The following COL14A1 variants were observed in gnomAD, a reference collection of about 807,000 sequenced individuals.
COL14A1 encodes the protein collagen type XIV alpha 1 chain, also known as collagen alpha-1(XIV) chain.
COL14A1 carries 136 observed loss-of-function variants against 230.3 expected under a neutral mutation model. The observed-to-expected ratio is 0.59, with a 90% CI of 0.51 to 0.68. The LOEUF is 0.68. COL14A1 is among the 30% of genes least tolerant of loss of function. The pLI, the probability that COL14A1 is intolerant of heterozygous loss-of-function variation, is 0.00. For synonymous variants in COL14A1, 792 were observed against 784.1 expected (o/e 1.01, Z -0.17); for missense variants, 1,976 against 2,215.8 (o/e 0.89, Z 2.17).
chr8:120,324,158 A>G (rs1448337579), intron 40 of COL14A1, among the ~76,000 whole-genome samples: 1 of 152,082 alleles, frequency 6.6e-6, no homozygotes, highest in Non-Finnish European at 1.5e-5. Context: ...AATCTGTACA[A>G]CAGACCCCTG....
At chr8:120,234,505 A>G (rs530782660) in intron 19 of COL14A1, among the ~76,000 whole-genome samples, 29 of 152,176 alleles carry the variant, frequency 1.9e-4, no homozygotes, top group Non-Finnish European at 3.2e-4. Flanking sequence ...CTAGTTTATT[A>G]AGAGTTTTTA....
chr8:120,157,895 G>T (rs1815532849), intron 2 of COL14A1, among the ~76,000 whole-genome samples: 1 of 152,162 alleles, frequency 6.6e-6, no homozygotes, highest in African/African-American at 2.4e-5. Flanking sequence ...CTGAGGCAGA[G>T]AATTGTTTGA....
intron 24 of COL14A1, 104 bp from the exon 25 acceptor site, chr8:120,266,723 T>G (rs1192465714): frequency 3.3e-6 from 3 of 907,720 alleles, no homozygotes; most frequent in Non-Finnish European, 5.3e-6. Context: ...AGAAGACAGT[T>G]GTCAAAATCA....
chr8:120,160,132 A>G (rs1208525828), intron 3 of COL14A1, among the ~76,000 whole-genome samples: 3 of 152,210 alleles, frequency 2.0e-5, no homozygotes, highest in East Asian at 1.9e-4. Context: ...AACCTTGTTC[A>G]GAGTTTTCAT....
chr8:120,129,896 G>A (rs1398542332), intron 1 of COL14A1, among the ~76,000 whole-genome samples: 1 of 152,188 alleles, frequency 6.6e-6, no homozygotes, highest in African/African-American at 2.4e-5. Context: ...GAACTTTCTT[G>A]AATATGGGTT....
chr8:120,242,958 A>G lies in COL14A1; in HGVS notation c.2350-921A>G, dbSNP rs901987964. Among the ~76,000 whole-genome samples, 20 of 152,172 alleles carry G rather than the reference A, an allele frequency of 1.3e-4. 1 individual carries two copies. Among genetic ancestry groups the G allele is most frequent in the Non-Finnish European group, 1.3e-4 (9 of 68,036 alleles). ...ATTTTACCCAGCACTTGAATCGAAA[A>G]GTAACTCCAGCTGTCCTGGTCTTGT... On this transcript the variant is annotated intron_variant, in intron 19 of 47. Coordinates refer to ENST00000297848, the MANE Select transcript of COL14A1 (RefSeq NM_021110.4).
chr8:120,300,875 T>G (rs1820690082), intron 36 of COL14A1, 57 bp downstream of exon 36: 1 of 1,346,104 alleles, frequency 7.4e-7, no homozygotes, highest in African/African-American at 1.4e-5. Flanking sequence ...TAGCTATCAC[T>G]TGTGTGTCTA....
At chr8:120,311,642 G>A (rs1329349688) in intron 37 of COL14A1, among the ~76,000 whole-genome samples, 2 of 152,142 alleles carry the variant, frequency 1.3e-5, no homozygotes, top group Non-Finnish European at 2.9e-5. Flanking sequence ...CAGTATGTAT[G>A]ATTTTTTATT....
chr8:120,250,813 T>G (rs756270599), intron 22 of COL14A1, 47 bp downstream of exon 22: 2 of 1,605,430 alleles, frequency 1.2e-6, no homozygotes. Flanking sequence ...GTTTTTGTTT[T>G]GTTTTGTTTT....
At chr8:120,343,920 C>T (rs1822405767) in intron 44 of COL14A1, among the ~76,000 whole-genome samples, 1 of 152,054 alleles carries the variant, frequency 6.6e-6, no homozygotes, top group African/African-American at 2.4e-5. Flanking sequence ...TGACCACTAC[C>T]CAAGAAAGAT....
chr8:120,126,903 A>G (rs4588897), intron 1 of COL14A1, among the ~76,000 whole-genome samples: 125,857 of 152,250 alleles, frequency 0.83, 52,520 homozygotes, highest in African/African-American at 0.95. Flanking sequence ...TAAACTTCAG[A>G]ATAGTTTTGT....
intron 23 of COL14A1, among the ~76,000 whole-genome samples, chr8:120,260,035 TA>T (rs1236402274): frequency 2.0e-5 from 3 of 152,196 alleles, no homozygotes; most frequent in African/African-American, 7.2e-5. Flanking sequence ...TAACAATTTT[TA>T]AATGTTATCA....
intron 19 of COL14A1, among the ~76,000 whole-genome samples, chr8:120,235,790 G>C (rs144581509): frequency 1.9e-4 from 29 of 152,324 alleles, no homozygotes; most frequent in African/African-American, 6.7e-4. Context: ...TGCTTTAGCT[G>C]TGTTCCAGAG....
chr8:120,346,873 T>C (rs1822536543), intron 45 of COL14A1, among the ~76,000 whole-genome samples: 1 of 152,224 alleles, frequency 6.6e-6, no homozygotes, highest in Non-Finnish European at 1.5e-5. Context: ...ACTTAATAGG[T>C]ACTTACTAGA....
In COL14A1 at chr8:120,255,258, A is replaced by G. The variant is rs114230243; in HGVS notation, c.2771A>G (p.Asn924Ser). Reference sequence around the variant, plus strand: ...ATTCCAGTGTTCTTGGGTGTTACCAATCTCCAAGCCAAACATGTTGAAATG... The same window carrying G: ...ATTCCAGTGTTCTTGGGTGTTACCAGTCTCCAAGCCAAACATGTTGAAATG... ...MVKTLFLGVT[N>S]LQAKHVEMTS... The change falls in exon 23 of 48, where the codon AAT (asparagine) becomes AGT (serine). Residue 924 changes from asparagine to serine, a missense_variant. By Grantham distance (46) the Asn-to-Ser change is conservative (BLOSUM62 1). Coordinates refer to ENST00000297848, the MANE Select transcript of COL14A1 (RefSeq NM_021110.4). The G allele has an allele frequency of 7.2e-4, 1,161 of 1,614,058 alleles. 10 individuals carry two copies. The highest frequency in any genetic ancestry group is 2.9e-3 in the East Asian group (129 of 44,874).
chr8:120,256,559 T>C (rs1002611317), intron 23 of COL14A1, among the ~76,000 whole-genome samples: 2 of 152,172 alleles, frequency 1.3e-5, no homozygotes, highest in Non-Finnish European at 2.9e-5. Context: ...CAGCCTGACA[T>C]TGGCTTGACA....
chr8:120,364,893 AAAAAG>A (rs900506473), intron 45 of COL14A1, among the ~76,000 whole-genome samples: 24 of 152,150 alleles, frequency 1.6e-4, no homozygotes, highest in African/African-American at 3.4e-4. Flanking sequence ...TCTTAAAAAA[AAAAAG>A]AAAAGAAAAG....
At chr8:120,219,052 A>G (rs913000437) in intron 14 of COL14A1, among the ~76,000 whole-genome samples, 16 of 150,922 alleles carry the variant, frequency 1.1e-4, no homozygotes, top group African/African-American at 3.4e-4. Context: ...TAATTATATA[A>G]TAATAATCAT....
At chr8:120,369,194 C>A in intron 46 of COL14A1, 136 bp from the exon 47 acceptor site, 2 of 793,104 alleles carry the variant, frequency 2.5e-6, no homozygotes, top group African/African-American at 1.8e-5. Context: ...CAAAAAAGAA[C>A]TCAATGAGTA....
Sources: gnomAD v4.1 joint callset for allele counts (sites outside exome capture counted in the v4.1 genomes callset) on GRCh38, gnomAD v4.1.1 for gene constraint, MANE v1.5 for transcripts, NCBI Gene and HGNC (gene_info 2026-07-23, HGNC 2026-07-21) for gene names.